Variants in FGF14 observed in about 807,000 individuals in gnomAD.
The protein encoded by FGF14 is fibroblast growth factor homologous factor 4.
FGF14 carries 5 observed loss-of-function variants against 25.5 expected under a neutral mutation model. The ratio of observed to expected loss-of-function variants is 0.20; its 90% confidence interval spans 0.10 to 0.41. FGF14 has a LOEUF of 0.41. FGF14 is among the 10% of genes least tolerant of loss of function. FGF14 has a pLI of 1.00. For synonymous variants in FGF14, 138 were observed against 118.3 expected, an observed-to-expected ratio of 1.17 and a Z score of -1.08; for missense variants, 222 against 320.1, an observed-to-expected ratio of 0.69 and a Z score of 2.34.
At chr13:102,059,249 T>C (rs1566631648) in intron 1 of FGF14, among the ~76,000 whole-genome samples, 1 of 152,176 alleles carries the variant, frequency 6.6e-6, no homozygotes, top group Admixed American at 6.5e-5. Flanking sequence ...GATAGGGGAA[T>C]AGTCCTCAGA....
intron 1 of FGF14, among the ~76,000 whole-genome samples, chr13:102,081,600 G>A (rs888419228): frequency 6.6e-6 from 1 of 151,796 alleles, no homozygotes. Flanking sequence ...AAAAAAAATT[G>A]TGGCCTTATT....
At chr13:102,222,902 T>C (rs2050677819) in intron 1 of FGF14, among the ~76,000 whole-genome samples, 1 of 152,150 alleles carries the variant, frequency 6.6e-6, no homozygotes, top group Non-Finnish European at 1.5e-5. Flanking sequence ...AAGGCCTCCA[T>C]TAACGCAGCC....
At chr13:101,741,590 T>A (rs965493359) in intron 3 of FGF14, among the ~76,000 whole-genome samples, 3 of 149,966 alleles carry the variant, frequency 2.0e-5, no homozygotes, top group African/African-American at 4.9e-5. Context: ...TACAAATTCA[T>A]CTAAACCTTT....
At chr13:102,379,407 T>A (rs1005538565) in intron 1 of FGF14, among the ~76,000 whole-genome samples, 1 of 125,596 alleles carries the variant, frequency 8.0e-6, no homozygotes, top group African/African-American at 4.2e-5. Context: ...AACATAGATA[T>A]ACACATACAC....
At chr13:102,038,185 A>G (rs2041565257) in intron 1 of FGF14, among the ~76,000 whole-genome samples, 1 of 152,184 alleles carries the variant, frequency 6.6e-6, no homozygotes, top group African/African-American at 2.4e-5. Context: ...AATCCATTCT[A>G]AAGCCAAATA....
At chr13:102,173,075 C>G (rs573475354) in intron 1 of FGF14, among the ~76,000 whole-genome samples, 1 of 152,212 alleles carries the variant, frequency 6.6e-6, no homozygotes, top group South Asian at 2.1e-4. Flanking sequence ...GGAATATTTG[C>G]AAACCATATA....
intron 1 of FGF14, among the ~76,000 whole-genome samples, chr13:102,188,347 A>G (rs2048955654): frequency 6.6e-6 from 1 of 152,220 alleles, no homozygotes; most frequent in Non-Finnish European, 1.5e-5. Context: ...TGAAAGCAAT[A>G]TAGCATTGTG....
chr13:101,911,408 A>G (rs1203676465), intron 1 of FGF14, among the ~76,000 whole-genome samples: 1 of 152,162 alleles, frequency 6.6e-6, no homozygotes, highest in African/African-American at 2.4e-5. Context: ...CAATCTATGG[A>G]TATAACTAAA....
intron 1 of FGF14, chr13:102,401,446 A>G: frequency 1.2e-6 from 2 of 1,606,498 alleles, no homozygotes; most frequent in Non-Finnish European, 1.7e-6. Flanking sequence ...GAGGAAAAAC[A>G]TAACATGATG....
At chr13:102,129,633 A>C (rs1168279523) in intron 1 of FGF14, among the ~76,000 whole-genome samples, 3 of 151,960 alleles carry the variant, frequency 2.0e-5, no homozygotes, top group African/African-American at 7.3e-5. Flanking sequence ...GTTTCAAAAA[A>C]TTCTTACTGA....
chr13:102,140,637 T>C (rs2046608058), intron 1 of FGF14, among the ~76,000 whole-genome samples: 1 of 152,114 alleles, frequency 6.6e-6, no homozygotes, highest in Non-Finnish European at 1.5e-5. Context: ...AGCTGATACC[T>C]CTAAATAGGG....
chr13:101,919,045 AT>A (rs1336889564), upstream of FGF14, among the ~76,000 whole-genome samples: 1 of 151,902 alleles, frequency 6.6e-6, no homozygotes, highest in East Asian at 1.9e-4. Context: ...CTTTTCTTCC[AT>A]TTTTTTGTGA....
chr13:102,350,365 C>T (rs2057240286), intron 1 of FGF14, among the ~76,000 whole-genome samples: 1 of 144,218 alleles, frequency 6.9e-6, no homozygotes, highest in Admixed American at 6.9e-5. Context: ...CAGAGTGAAA[C>T]CCTCTTTAAT....
At chr13:102,294,643 A>G (rs919019786) in intron 1 of FGF14, among the ~76,000 whole-genome samples, 6 of 152,104 alleles carry the variant, frequency 3.9e-5, no homozygotes, top group African/African-American at 1.4e-4. Flanking sequence ...TAGATTGTCA[A>G]TTTCTGTTTG....
At chr13:102,103,637 G>C (rs2044763767) in intron 1 of FGF14, among the ~76,000 whole-genome samples, 2 of 152,094 alleles carry the variant, frequency 1.3e-5, no homozygotes, top group South Asian at 4.1e-4. Flanking sequence ...AAGCATCAAA[G>C]CCCAACAAGA....
At chr13:102,051,665 T>C (rs928407455) in intron 1 of FGF14, among the ~76,000 whole-genome samples, 2 of 152,218 alleles carry the variant, frequency 1.3e-5, no homozygotes, top group African/African-American at 4.8e-5. Context: ...CCTTAGCTGA[T>C]AGAGCTATAC....
chr13:101,916,144 T>C (rs2033456254), intron 1 of FGF14, among the ~76,000 whole-genome samples: 1 of 152,136 alleles, frequency 6.6e-6, no homozygotes, highest in Non-Finnish European at 1.5e-5. Flanking sequence ...TGCCAGTCCC[T>C]ATCCTCCCGG....
intron 1 of FGF14, among the ~76,000 whole-genome samples, chr13:102,271,357 C>A (rs914955961): frequency 1.3e-5 from 2 of 152,118 alleles, no homozygotes; most frequent in South Asian, 4.1e-4. Flanking sequence ...GTCCATTTGC[C>A]GTGTTCCAGT....
Position 102,300,926 on chromosome 13 carries a change from CACACACACACAT to C in FGF14, c.208+100533_208+100544del, listed in dbSNP as rs1198776391. Among the ~76,000 whole-genome samples, 552 of 84,942 alleles carry C rather than the reference CACACACACACAT, an allele frequency of 6.5e-3. 3 individuals carry two copies. The highest frequency in any genetic ancestry group is 0.042 in the Middle Eastern group (6 of 144). 55.7% of individuals were successfully genotyped at this position (84,942 alleles called of 152,430 possible). A position where few individuals can be genotyped will look rare whatever the true frequency, so the allele number is the denominator to read the frequency against. On this transcript the variant is annotated intron_variant, in intron 1 of 4. Coordinates refer to the FGF14 transcript ENST00000376131. ...CCTTACCAATATGCACACAGACACA[CACACACACACAT>C]ACACACACACACACACACACACACA...
Sources: allele counts gnomAD v4.1 joint callset (sites outside exome capture counted in the v4.1 genomes callset), GRCh38; gene constraint gnomAD v4.1.1; transcripts MANE v1.5; gene names NCBI Gene and HGNC (gene_info 2026-07-23, HGNC 2026-07-21).